POU6F2: variants seen among roughly 807,000 people sequenced by gnomAD.
POU6F2 encodes the protein POU class 6 homeobox 2.
Under a neutral mutation model 71.3 loss-of-function variants are expected in POU6F2, and 31 were observed. That is an observed-to-expected ratio of 0.43 (90% CI 0.33 to 0.59). POU6F2 has a LOEUF of 0.59. Among genes scored for constraint, POU6F2 ranks in the 20% least tolerant of loss-of-function variants. The pLI is 0.04. For synonymous variants in POU6F2, 347 were observed against 355.7 expected, an observed-to-expected ratio of 0.98 and a Z score of 0.27; for missense variants, 783 against 856.8, an observed-to-expected ratio of 0.91 and a Z score of 1.07.
chr7:39,149,117 T>C (rs1243085305), intron 2 of POU6F2, among the ~76,000 whole-genome samples: 2 of 152,196 alleles, frequency 1.3e-5, no homozygotes, highest in Non-Finnish European at 2.9e-5. Flanking sequence ...TCAGACTTGC[T>C]GAGGCTCTCC....
chr7:39,116,654 CTATT>C (rs1014492868), intron 2 of POU6F2, among the ~76,000 whole-genome samples: 1 of 152,148 alleles, frequency 6.6e-6, no homozygotes, highest in Non-Finnish European at 1.5e-5. Context: ...AACCACTAAA[CTATT>C]TATCTGTGTA....
At chr7:39,358,979 A>C (rs979224332) in intron 5 of POU6F2, among the ~76,000 whole-genome samples, 3 of 152,082 alleles carry the variant, frequency 2.0e-5, no homozygotes, top group Non-Finnish European at 4.4e-5. Flanking sequence ...TCTTGGCAGC[A>C]TGTTAAACAC....
chr7:39,327,501 G>A (rs998199210), intron 4 of POU6F2, among the ~76,000 whole-genome samples: 2 of 151,976 alleles, frequency 1.3e-5, no homozygotes, highest in Admixed American at 6.6e-5. Flanking sequence ...ACTAGGTATG[G>A]TGGTATATGC....
intron 4 of POU6F2, among the ~76,000 whole-genome samples, chr7:39,290,063 G>A (rs747474344): frequency 6.6e-6 from 1 of 151,952 alleles, no homozygotes; most frequent in African/African-American, 2.4e-5. Flanking sequence ...ACCATCCAAA[G>A]TTAGAAAAAA....
chr7:39,048,718 G>C (rs1238406144), intron 1 of POU6F2, among the ~76,000 whole-genome samples: 1 of 151,902 alleles, frequency 6.6e-6, no homozygotes, highest in Non-Finnish European at 1.5e-5. Context: ...GGATTGCTGG[G>C]TTTCATGGTA....
chr7:39,124,363 T>G (rs1792105210), intron 2 of POU6F2, among the ~76,000 whole-genome samples: 1 of 152,210 alleles, frequency 6.6e-6, no homozygotes, highest in African/African-American at 2.4e-5. Flanking sequence ...TATTTATCTG[T>G]GCACATTTTC....
At chr7:39,308,266 C>T (rs1785084509) in intron 4 of POU6F2, among the ~76,000 whole-genome samples, 1 of 152,178 alleles carries the variant, frequency 6.6e-6, no homozygotes, top group African/African-American at 2.4e-5. Flanking sequence ...TTCCAAGTAC[C>T]CCCAACCTAG....
At chr7:39,215,152 CTGGCCAACA>C (rs1794214921) in intron 4 of POU6F2, among the ~76,000 whole-genome samples, 1 of 152,104 alleles carries the variant, frequency 6.6e-6, no homozygotes, top group East Asian at 1.9e-4. Context: ...CAAGACCAGC[CTGGCCAACA>C]TGGCAAAACC....
At chr7:39,416,978 G>A (rs773941349) in intron 6 of POU6F2, among the ~76,000 whole-genome samples, 24 of 152,114 alleles carry the variant, frequency 1.6e-4, no homozygotes, top group Non-Finnish European at 3.1e-4. Context: ...GTCAGGGATG[G>A]GAGTGGAAGC....
chr7:39,347,241 A>G lies in POU6F2; in HGVS notation c.972+7226A>G, dbSNP rs1786049556. 2.0e-5 allele frequency among the ~76,000 whole-genome samples: 3 copies of G among 152,242 alleles called. No individual in the cohort carries two copies. The South Asian group carries it at 6.2e-4, about 32-fold the overall frequency. On this transcript the variant is annotated intron_variant, in intron 5 of 9. Transcript: ENST00000518318. The stretch of plus-strand genomic sequence containing the variant: ...TATAGATATTATAACCTGTTGGGGA[A>G]TATGAGACAAACACATGCACTCAAA...
intron 4 of POU6F2, among the ~76,000 whole-genome samples, chr7:39,211,176 G>T (rs528152006): frequency 6.6e-6 from 1 of 152,114 alleles, no homozygotes; most frequent in African/African-American, 2.4e-5. Context: ...CACCTTGGGG[G>T]TTAGGATTTC....
chr7:39,116,891 A>C (rs1483072114), intron 2 of POU6F2, among the ~76,000 whole-genome samples: 1 of 152,184 alleles, frequency 6.6e-6, no homozygotes, highest in African/African-American at 2.4e-5. Flanking sequence ...TTTTAAAACT[A>C]AATACAGAAT....
intron 5 of POU6F2, chr7:39,406,324 C>T (rs1335009667): frequency 4.5e-6 from 2 of 441,598 alleles, no homozygotes; most frequent in African/African-American, 2.0e-5. Context: ...GTCCTAACAG[C>T]CCACCTCACC....
At chr7:39,094,841 A>G (rs2128722478) in intron 2 of POU6F2, among the ~76,000 whole-genome samples, 1 of 152,286 alleles carries the variant, frequency 6.6e-6, no homozygotes. Flanking sequence ...TAAAAAGTCA[A>G]ATGGAAACCC....
At position 39,433,072 on chromosome 7, in the gene POU6F2, T is replaced by C. The variant is rs775783669; in HGVS notation, c.1114-5T>C. On this transcript the variant is annotated splice_region_variant and splice_polypyrimidine_tract_variant and intron_variant, in intron 6 of 9. Transcript: ENST00000518318. The stretch of plus-strand genomic sequence containing the variant: ...CAGCTCCTCACCTTTGGCCCTCTCT[T>C]GCAGATTATCGGGACCATTCCACTG... 2 of 1,612,354 alleles carry C rather than the reference T, an allele frequency of 1.2e-6. No homozygotes were observed. Among genetic ancestry groups the C allele is most frequent in the Non-Finnish European group, 1.7e-6 (2 of 1,178,926 alleles).
In POU6F2 at chr7:39,043,899, G is replaced by T. The variant is rs377644400; in HGVS notation, c.106-41961G>T. Among the ~76,000 whole-genome samples, 9 of 151,932 alleles carry T rather than the reference G, an allele frequency of 5.9e-5. No homozygotes were observed. The East Asian group carries it at 1.4e-3, about 23-fold the overall frequency. On this transcript the variant is annotated intron_variant, in intron 1 of 9. Transcript: ENST00000518318. ...TCCAGGTTTTCAGGAATCCCATAAT[G>T]CTCTCTGTTGCATGAAGGCTGCCAT...
chr7:39,365,198 A>G (rs2115729094), intron 5 of POU6F2, among the ~76,000 whole-genome samples: 1 of 152,342 alleles, frequency 6.6e-6, no homozygotes. Flanking sequence ...ACATAGACCA[A>G]TGGAACTGAA....
intron 2 of POU6F2, among the ~76,000 whole-genome samples, chr7:39,124,047 C>CTTT (rs1792096507): frequency 1.7e-5 from 1 of 60,448 alleles, no homozygotes. Context: ...ATAGACTGGG[C>CTTT]CTTTTTTTTT....
rs568004609 is a variant in POU6F2, at chr7:39,373,184, C to T, written c.972+33169C>T. 4.9e-4 allele frequency among the ~76,000 whole-genome samples: 74 copies of T among 152,196 alleles called. No individual in the cohort carries two copies. The South Asian group carries it at 1.0e-2, about 20-fold the overall frequency. On this transcript the variant is annotated intron_variant, in intron 5 of 9. Coordinates refer to ENST00000518318, the MANE Select transcript of POU6F2 (RefSeq NM_001370959.1). Reference sequence around the variant, plus strand: ...GTAAAGTTCTTAGAACAATGCCTGACGCATAGTGAGTGCTATATAAGTACT... The same window carrying T: ...GTAAAGTTCTTAGAACAATGCCTGATGCATAGTGAGTGCTATATAAGTACT...
Sources: allele counts gnomAD v4.1 joint callset (sites outside exome capture counted in the v4.1 genomes callset), GRCh38; gene constraint gnomAD v4.1.1; transcripts MANE v1.5; gene names NCBI Gene and HGNC (gene_info 2026-07-23, HGNC 2026-07-21).